The following TLN2 variants were observed in gnomAD, a reference collection of about 807,000 sequenced individuals.
The protein encoded by TLN2 is talin-2.
In TLN2, 118 loss-of-function variants were observed where a neutral mutation model predicts 294.7. The observed-to-expected ratio is 0.40, with a 90% CI of 0.34 to 0.47. TLN2 has a LOEUF of 0.47. Ranked by LOEUF, TLN2 falls within the 20% of genes least tolerant of loss-of-function variation. The pLI, the probability that TLN2 is intolerant of heterozygous loss-of-function variation, is 0.84. For synonymous variants in TLN2, 1,431 were observed against 1,304.5 expected, an observed-to-expected ratio of 1.10 and a Z score of -2.09; for missense variants, 3,083 against 3,282.2, an observed-to-expected ratio of 0.94 and a Z score of 1.48.
rs184735866 is a variant in TLN2 at position 62,805,556 on chromosome 15, G to T, written c.6478-44G>T. The T allele has an allele frequency of 1.3e-5, 20 of 1,523,554 alleles. No homozygotes were observed. The Admixed American group carries it at 1.4e-4, about 11-fold the overall frequency. 94.4% of individuals were successfully genotyped at this position (1,523,554 alleles called of 1,614,324 possible). A position where few individuals can be genotyped will look rare whatever the true frequency, so the allele number is the denominator to read the frequency against. ...TGGAGAAGAATAAATTATTTTTTTC[G>T]TTTCCTTTTTGATTTTTTTAACCTC... On this transcript the variant is annotated intron_variant, in intron 50 of 58. Transcript: ENST00000636159.
At chr15:62,714,413 A>G (rs1412309586) in intron 22 of TLN2, among the ~76,000 whole-genome samples, 1 of 151,918 alleles carries the variant, frequency 6.6e-6, no homozygotes, top group Non-Finnish European at 1.5e-5. Context: ...CGTGTTAGCC[A>G]GGATGGTCTC....
chr15:62,688,793 T>C (rs949370267), intron 12 of TLN2, among the ~76,000 whole-genome samples: 1 of 152,160 alleles, frequency 6.6e-6, no homozygotes, highest in Non-Finnish European at 1.5e-5. Flanking sequence ...TGAAGTCTAC[T>C]GTATCTAATG....
intron 1 of TLN2, among the ~76,000 whole-genome samples, chr15:62,503,773 G>A (rs145493383): frequency 3.3e-5 from 5 of 152,144 alleles, no homozygotes; most frequent in South Asian, 4.1e-4. Flanking sequence ...ATTCCTCTCC[G>A]TTCTGTGAGC....
chr15:62,805,253 G>A (rs1439948338), intron 50 of TLN2, among the ~76,000 whole-genome samples: 2 of 152,132 alleles, frequency 1.3e-5, no homozygotes, highest in South Asian at 2.1e-4. Flanking sequence ...GCACCAGCAG[G>A]GATGGGGGAA....
At chr15:62,756,943 A>C (rs2062303678) in intron 37 of TLN2, among the ~76,000 whole-genome samples, 1 of 152,174 alleles carries the variant, frequency 6.6e-6, no homozygotes, top group African/African-American at 2.4e-5. Flanking sequence ...ATTTGAAGGC[A>C]AGAGTAAGCT....
At chr15:62,528,274 A>G (rs999549985) in intron 1 of TLN2, among the ~76,000 whole-genome samples, 2 of 152,200 alleles carry the variant, frequency 1.3e-5, no homozygotes, top group Non-Finnish European at 2.9e-5. Context: ...TCTTAATGCT[A>G]TGGTAGCCTC....
At chr15:62,835,267 G>A (rs2141255551) in intron 55 of TLN2, 1 of 181,550 alleles carries the variant, frequency 5.5e-6, no homozygotes, top group Non-Finnish European at 1.2e-5. Context: ...TGTACCAGAG[G>A]GAGTTCCACC....
At chr15:62,721,770 A>G (rs993717768) in intron 25 of TLN2, among the ~76,000 whole-genome samples, 1 of 152,228 alleles carries the variant, frequency 6.6e-6, no homozygotes, top group Non-Finnish European at 1.5e-5. Context: ...TAGAGAATTG[A>G]GAAATGGCAA....
At chr15:62,772,585 T>C (rs1422648242) in intron 42 of TLN2, among the ~76,000 whole-genome samples, 2 of 152,140 alleles carry the variant, frequency 1.3e-5, no homozygotes, top group African/African-American at 4.8e-5. Flanking sequence ...GGCTATTGAC[T>C]GCCACATGTC....
chr15:62,407,100 A>C (rs2033453395), intron 1 of TLN2, among the ~76,000 whole-genome samples: 1 of 152,106 alleles, frequency 6.6e-6, no homozygotes, highest in Non-Finnish European at 1.5e-5. Flanking sequence ...AATTCCCTTA[A>C]GTAAAGTCAA....
chr15:62,477,891 G>A (rs112456246), intron 1 of TLN2, among the ~76,000 whole-genome samples: 2 of 148,850 alleles, frequency 1.3e-5, no homozygotes, highest in Admixed American at 1.3e-4. Context: ...GGCAGGTGGT[G>A]GGGGGGATGG....
At chr15:62,396,664 A>G (rs1001757643) in intron 1 of TLN2, among the ~76,000 whole-genome samples, 2 of 151,894 alleles carry the variant, frequency 1.3e-5, no homozygotes, top group African/African-American at 4.8e-5. Context: ...CTGATCCCAT[A>G]CTGAAGGAAG....
chr15:62,707,493 A>C (rs2059142894), intron 20 of TLN2, among the ~76,000 whole-genome samples: 1 of 152,214 alleles, frequency 6.6e-6, no homozygotes, highest in Non-Finnish European at 1.5e-5. Context: ...TTCTATATGC[A>C]AATTGCTGTG....
At chr15:62,775,826 C>T (rs1311312856) in intron 42 of TLN2, among the ~76,000 whole-genome samples, 2 of 152,244 alleles carry the variant, frequency 1.3e-5, no homozygotes, top group African/African-American at 2.4e-5. Context: ...AATTCCGACC[C>T]TGAAACCTGA....
At chr15:62,423,510 A>C (rs1034014541) in intron 1 of TLN2, among the ~76,000 whole-genome samples, 15 of 152,234 alleles carry the variant, frequency 9.9e-5, no homozygotes, top group African/African-American at 3.6e-4. Context: ...ACATATGGTC[A>C]CCCGAAACCA....
chr15:62,716,952 T>TA (rs1567441411), intron 23 of TLN2, among the ~76,000 whole-genome samples: 1 of 151,772 alleles, frequency 6.6e-6, no homozygotes, highest in African/African-American at 2.4e-5. Context: ...TTTTTTTTTT[T>TA]TAAAAAGTTT....
At position 62,467,021 on chromosome 15, in the gene TLN2, G is replaced by C. The variant is rs138707886; in HGVS notation, c.-238+76336G>C. 1.6e-3 allele frequency among the ~76,000 whole-genome samples: 241 copies of C among 152,336 alleles called. 1 individual carries two copies. Among genetic ancestry groups the C allele is most frequent in the African/African-American group, 5.5e-3 (230 of 41,584 alleles). On this transcript the variant is annotated intron_variant, in intron 1 of 58. Coordinates refer to ENST00000636159, the MANE Select transcript of TLN2 (RefSeq NM_015059.3). ...TTTTGTGAGCCTTGCCTCAAGCTTG[G>C]GGGAGGACACTCACCAAACTAAACC...
chr15:62,604,689 G>A (rs1050347012), intron 2 of TLN2, among the ~76,000 whole-genome samples: 2 of 136,284 alleles, frequency 1.5e-5, no homozygotes, highest in African/African-American at 5.5e-5. Flanking sequence ...TCTTCTCTTC[G>A]TCTTCTTTTT....
intron 1 of TLN2, among the ~76,000 whole-genome samples, chr15:62,420,261 TTAAA>T (rs1411181130): frequency 2.6e-5 from 4 of 152,242 alleles, no homozygotes; most frequent in African/African-American, 9.6e-5. Context: ...ACTGTTTGTG[TTAAA>T]TATTTTCATA....
Sources: gnomAD v4.1 joint callset for allele counts (sites outside exome capture counted in the v4.1 genomes callset) on GRCh38, gnomAD v4.1.1 for gene constraint, MANE v1.5 for transcripts, NCBI Gene and HGNC (gene_info 2026-07-23, HGNC 2026-07-21) for gene names.